Variants in LARS2 observed in about 807,000 individuals in gnomAD.
The protein encoded by LARS2 is leucine--tRNA ligase, mitochondrial.
A neutral mutation model predicts 116.6 loss-of-function variants in LARS2; 81 were observed. The observed-to-expected ratio is 0.69, with a 90% confidence interval of 0.58 to 0.84. The LOEUF (loss-of-function observed/expected upper bound fraction) is 0.84, where lower values mean the gene tolerates loss of function less well. Ranked by LOEUF, LARS2 falls within the 40% of genes least tolerant of loss-of-function variation. The pLI, the probability that LARS2 is intolerant of heterozygous loss-of-function variation, is 0.00. For missense variants in LARS2, 968 were observed against 1,114.5 expected, an observed-to-expected ratio of 0.87 and a Z score of 1.87; for synonymous variants, 396 against 407.2, an observed-to-expected ratio of 0.97 and a Z score of 0.33.
intron 7 of LARS2, among the ~76,000 whole-genome samples, chr3:45,453,178 G>C (rs773736354): frequency 2.6e-5 from 4 of 151,054 alleles, no homozygotes; most frequent in Non-Finnish European, 5.9e-5. Context: ...TTTCTACTCT[G>C]ATCTTTATTA....
At chr3:45,430,412 G>T (rs1294120375) in intron 6 of LARS2, among the ~76,000 whole-genome samples, 4 of 150,454 alleles carry the variant, frequency 2.7e-5, no homozygotes, top group Non-Finnish European at 3.0e-5. Context: ...CTGAGTAGCT[G>T]GGACTACAGG....
At chr3:45,442,809 T>C (rs1266281229) in intron 6 of LARS2, among the ~76,000 whole-genome samples, 1 of 152,208 alleles carries the variant, frequency 6.6e-6, no homozygotes, top group Non-Finnish European at 1.5e-5. Flanking sequence ...TATCAGTATG[T>C]ATAGAATGGC....
At chr3:45,502,508 A>T (rs1700137469) in intron 15 of LARS2, among the ~76,000 whole-genome samples, 1 of 152,084 alleles carries the variant, frequency 6.6e-6, no homozygotes, top group African/African-American at 2.4e-5. Context: ...TCAAGTTGTC[A>T]TATATCCCAG....
chr3:45,442,289 T>C (rs529914863), intron 6 of LARS2, among the ~76,000 whole-genome samples: 2 of 152,200 alleles, frequency 1.3e-5, no homozygotes, highest in South Asian at 2.1e-4. Flanking sequence ...AGACACAGGG[T>C]TCCCCCTTGG....
intron 13 of LARS2, among the ~76,000 whole-genome samples, chr3:45,493,688 T>C (rs1351269741): frequency 6.6e-6 from 1 of 152,146 alleles, no homozygotes; most frequent in East Asian, 1.9e-4. Context: ...AGTATTATTA[T>C]TATTACTATT....
rs116179988 is a variant in LARS2 at position 45,479,045 on chromosome 3, C to T, written c.1018+2418C>T. Among the ~76,000 whole-genome samples, 399 of 152,156 alleles carry T rather than the reference C, an allele frequency of 2.6e-3. 3 individuals are homozygous for T. The highest frequency in any genetic ancestry group is 8.9e-3 in the African/African-American group (371 of 41,506). On this transcript the variant is annotated intron_variant, in intron 10 of 21. Coordinates refer to ENST00000645846, the MANE Select transcript of LARS2 (RefSeq NM_015340.4). ...TGATTTGTGTTGAAGCAGTGACCAC[C>T]GAGTGTCATGGCAGCACACAGTTGT...
intron 1 of LARS2, among the ~76,000 whole-genome samples, chr3:45,390,634 ATTATTTATTTAT>A (rs373874105): frequency 1.7e-4 from 24 of 140,442 alleles, no homozygotes; most frequent in East Asian, 4.2e-4. Flanking sequence ...TTTTATTTTT[ATTATTTATTTAT>A]TTATTTATTT....
At chr3:45,476,716 G>A (rs984739035) in intron 10 of LARS2, 89 bp downstream of exon 10, 3 of 1,322,448 alleles carry the variant, frequency 2.3e-6, no homozygotes, top group African/African-American at 2.9e-5. Context: ...TTTCCTCTAT[G>A]TCATCTTGCG....
chr3:45,504,697 G>T (rs1700172324), intron 15 of LARS2, among the ~76,000 whole-genome samples: 1 of 151,706 alleles, frequency 6.6e-6, no homozygotes, highest in African/African-American at 2.4e-5. Context: ...TTGATAATGG[G>T]AATTGTGTCC....
chr3:45,531,021 ATTTTC>A (rs1700606549), intron 20 of LARS2, among the ~76,000 whole-genome samples: 1 of 151,988 alleles, frequency 6.6e-6, no homozygotes, highest in African/African-American at 2.4e-5. Flanking sequence ...TGTCTCAAGT[ATTTTC>A]TTTTCTTTTG....
chr3:45,497,488 T>A (rs1003412971), intron 14 of LARS2, among the ~76,000 whole-genome samples: 2 of 152,204 alleles, frequency 1.3e-5, no homozygotes, highest in African/African-American at 4.8e-5. Flanking sequence ...ATATAAAATA[T>A]GCCTCCCTAT....
intron 6 of LARS2, among the ~76,000 whole-genome samples, chr3:45,431,610 T>C (rs935869054): frequency 6.6e-6 from 1 of 151,966 alleles, no homozygotes; most frequent in African/African-American, 2.4e-5. Context: ...ATGTTATAAC[T>C]TTTGGGTGTT....
intron 8 of LARS2, among the ~76,000 whole-genome samples, chr3:45,469,821 C>T (rs1204135918): frequency 1.3e-5 from 2 of 151,834 alleles, no homozygotes; most frequent in Non-Finnish European, 1.5e-5. Context: ...TGTGCCTCCC[C>T]CCCCACCAAA....
At chr3:45,482,183 G>A (rs1363447045) in intron 10 of LARS2, among the ~76,000 whole-genome samples, 4 of 152,088 alleles carry the variant, frequency 2.6e-5, no homozygotes, top group Non-Finnish European at 5.9e-5. Context: ...TTTCATGCGG[G>A]CTTCACAATT....
At chr3:45,414,099 G>A (rs926303789) in intron 4 of LARS2, among the ~76,000 whole-genome samples, 1 of 152,132 alleles carries the variant, frequency 6.6e-6, no homozygotes, top group Non-Finnish European at 1.5e-5. Flanking sequence ...TTTTCTAAAG[G>A]AAATGTTAAG....
chr3:45,515,877 C>T (rs1236890113), intron 16 of LARS2, among the ~76,000 whole-genome samples: 4 of 152,026 alleles, frequency 2.6e-5, no homozygotes, highest in Non-Finnish European at 5.9e-5. Context: ...TGTTTATTCG[C>T]GAAGGTTTGT....
chr3:45,389,669 T>A (rs1373949198), intron 1 of LARS2, among the ~76,000 whole-genome samples: 3 of 152,230 alleles, frequency 2.0e-5, no homozygotes, highest in Admixed American at 2.0e-4. Flanking sequence ...AGTCTTCTTA[T>A]CTTAGAAGAA....
intron 6 of LARS2, among the ~76,000 whole-genome samples, chr3:45,424,533 CT>C (rs2125690688): frequency 6.6e-6 from 1 of 152,244 alleles, no homozygotes; most frequent in South Asian, 2.1e-4. Flanking sequence ...AGTAGTAGTT[CT>C]ATATGATTTA....
At chr3:45,493,390 C>T (rs148714710) in intron 13 of LARS2, among the ~76,000 whole-genome samples, 3 of 152,280 alleles carry the variant, frequency 2.0e-5, no homozygotes, top group African/African-American at 7.2e-5. Context: ...TGTGCCACCA[C>T]GCCCAGCCCC....
Sources: allele counts gnomAD v4.1 joint callset (sites outside exome capture counted in the v4.1 genomes callset), GRCh38; gene constraint gnomAD v4.1.1; transcripts MANE v1.5; gene names NCBI Gene and HGNC (gene_info 2026-07-23, HGNC 2026-07-21).